The following PHF24 variants were observed in gnomAD, a reference collection of about 807,000 sequenced individuals.
PHF24 encodes PHD finger protein 24.
Under a neutral mutation model 42.6 loss-of-function variants are expected in PHF24, and 25 were observed. The observed-to-expected ratio is 0.59, with a 90% confidence interval of 0.43 to 0.82. PHF24 has a LOEUF of 0.82. Among genes scored for constraint, PHF24 ranks in the 40% least tolerant of loss-of-function variants. The pLI, the probability that PHF24 is intolerant of heterozygous loss-of-function variation, is 0.00. For missense variants in PHF24, 470 were observed against 538.1 expected, an observed-to-expected ratio of 0.87 and a Z score of 1.25; for synonymous variants, 185 against 204.8, an observed-to-expected ratio of 0.90 and a Z score of 0.83.
chr9:34,920,034 G>C, the PHF24 span, among the ~76,000 whole-genome samples: 1 of 152,074 alleles, frequency 6.6e-6, no homozygotes, highest in Admixed American at 6.6e-5. Flanking sequence ...ATATCTCTTT[G>C]ATGATATACT....
chr9:34,747,405 G>T, the PHF24 span, among the ~76,000 whole-genome samples: 7 of 152,180 alleles, frequency 4.6e-5, no homozygotes, highest in South Asian at 1.5e-3. Context: ...GATAGAGCAA[G>T]ACCTTGTCTC....
At chr9:34,885,828 C>T in the PHF24 span, among the ~76,000 whole-genome samples, 1 of 151,808 alleles carries the variant, frequency 6.6e-6, no homozygotes, top group East Asian at 1.9e-4. Context: ...CCACCTTTCC[C>T]TGCCCACCTA....
At chr9:34,836,123 G>A in the PHF24 span, 18 of 465,592 alleles carry the variant, frequency 3.9e-5, no homozygotes, top group African/African-American at 1.4e-4. Context: ...GTGGGCTAGC[G>A]TTGGCATTGC....
At chr9:34,922,433 T>C in the PHF24 span, 13 of 1,365,178 alleles carry the variant, frequency 9.5e-6, no homozygotes, top group Non-Finnish European at 8.4e-6. Context: ...TGATAGGATA[T>C]GTTGGTTGCA....
rs373983864 is a variant in PHF24, at chr9:34,976,825, G to A, written c.849+85G>A. The A allele has an allele frequency of 5.5e-5, 67 of 1,209,556 alleles. No homozygotes were observed. In the African/African-American group the frequency reaches 9.1e-4, roughly 16 times the overall value. The allele number at this position is 1,209,556 out of a possible 1,614,324, so 74.9% of individuals were successfully genotyped here. On this transcript the variant is annotated intron_variant, in intron 5 of 7. Transcript: ENST00000242315. ...CGCTGGGCAGATTGGGGGAGCACTG[G>A]GTCCTGCTCAAGCAGGGACAAGTAT...
the PHF24 span, among the ~76,000 whole-genome samples, chr9:34,755,213 G>A: frequency 1.4e-4 from 22 of 152,254 alleles, no homozygotes; most frequent in African/African-American, 5.3e-4. Context: ...AGCATAACTG[G>A]ATTGTTTGTA....
the PHF24 span, among the ~76,000 whole-genome samples, chr9:34,933,637 A>G: frequency 6.6e-6 from 1 of 151,006 alleles, no homozygotes; most frequent in Admixed American, 6.6e-5. Flanking sequence ...AGACAGAAGA[A>G]TGGCGTGAAC....
the PHF24 span, among the ~76,000 whole-genome samples, chr9:34,768,513 T>A: frequency 3.3e-5 from 5 of 152,184 alleles, no homozygotes; most frequent in African/African-American, 4.8e-5. Context: ...TCAGACTTTT[T>A]AAAAAATCTG....
At chr9:34,688,486 T>G in the PHF24 span, among the ~76,000 whole-genome samples, 1 of 152,180 alleles carries the variant, frequency 6.6e-6, no homozygotes, top group Non-Finnish European at 1.5e-5. Flanking sequence ...CTGGTCTCAG[T>G]GTTGCCTTTG....
At chr9:34,840,759 T>C in the PHF24 span, among the ~76,000 whole-genome samples, 2 of 152,142 alleles carry the variant, frequency 1.3e-5, no homozygotes, top group African/African-American at 4.8e-5. Flanking sequence ...TTTAATATTT[T>C]CCTTGATATG....
At chr9:34,759,464 G>C in the PHF24 span, among the ~76,000 whole-genome samples, 2 of 152,160 alleles carry the variant, frequency 1.3e-5, no homozygotes, top group Non-Finnish European at 2.9e-5. Context: ...ATGTACATGT[G>C]AGTAGTAAAA....
exon 2 of PHF24, chr9:34,971,398 A>G: frequency 6.2e-7 from 1 of 1,614,170 alleles, no homozygotes; most frequent in Non-Finnish European, 8.5e-7. Flanking sequence ...CAGGCCTTCC[A>G]TCCGACGCAC....
the PHF24 span, among the ~76,000 whole-genome samples, chr9:34,839,740 A>G: frequency 6.6e-6 from 1 of 152,158 alleles, no homozygotes; most frequent in East Asian, 1.9e-4. Context: ...TCCTCCTCTC[A>G]AGACACTTAA....
the PHF24 span, among the ~76,000 whole-genome samples, chr9:34,817,393 C>T: frequency 6.6e-6 from 1 of 152,034 alleles, no homozygotes; most frequent in Non-Finnish European, 1.5e-5. Context: ...TACAGGTGCA[C>T]ATCACTGTGC....
the PHF24 span, among the ~76,000 whole-genome samples, chr9:34,781,811 C>A: frequency 6.6e-6 from 1 of 152,058 alleles, no homozygotes; most frequent in South Asian, 2.1e-4. Flanking sequence ...AGCAACAATG[C>A]ATGTGCCAGT....
At chr9:34,698,958 T>G in the PHF24 span, among the ~76,000 whole-genome samples, 1 of 152,236 alleles carries the variant, frequency 6.6e-6, no homozygotes, top group Non-Finnish European at 1.5e-5. Flanking sequence ...AGGCCATGCT[T>G]CTTCTGCTAA....
chr9:34,832,024 G>T, the PHF24 span, among the ~76,000 whole-genome samples: 1 of 152,198 alleles, frequency 6.6e-6, no homozygotes, highest in Non-Finnish European at 1.5e-5. Context: ...GTGGGTTAAA[G>T]CTCCTTCCCT....
chr9:34,829,781 T>G, the PHF24 span, among the ~76,000 whole-genome samples: 3 of 152,132 alleles, frequency 2.0e-5, no homozygotes, highest in African/African-American at 7.2e-5. Flanking sequence ...TCAGTAAAAA[T>G]AGAGGAAAGG....
chr9:34,917,465 G>A, the PHF24 span: 3 of 769,894 alleles, frequency 3.9e-6, no homozygotes, highest in Non-Finnish European at 7.3e-6. Flanking sequence ...TAACAAGCTG[G>A]TATTGTGTGA....
Sources: gnomAD v4.1 joint callset for allele counts (sites outside exome capture counted in the v4.1 genomes callset) on GRCh38, gnomAD v4.1.1 for gene constraint, MANE v1.5 for transcripts, NCBI Gene and HGNC (gene_info 2026-07-23, HGNC 2026-07-21) for gene names.